CRADD: variants seen among roughly 807,000 people sequenced by gnomAD.
CRADD encodes CARD and death domain containing adaptor protein.
A neutral mutation model predicts 15.5 loss-of-function variants in CRADD; 9 were observed. The ratio of observed to expected loss-of-function variants is 0.58; its 90% CI spans 0.35 to 1.01. The LOEUF (loss-of-function observed/expected upper bound fraction) is 1.01, where lower values mean the gene tolerates loss of function less well. Ranked by LOEUF, CRADD falls within the 50% of genes least tolerant of loss-of-function variation. The pLI is 0.02. For synonymous variants in CRADD, 118 were observed against 107.6 expected (o/e 1.10, Z -0.60); for missense variants, 227 against 250.3 (o/e 0.91, Z 0.63).
intron 2 of CRADD, chr12:93,708,679 T>A (rs1191257113): frequency 6.6e-6 from 1 of 152,296 alleles, no homozygotes; most frequent in East Asian, 1.9e-4. Context: ...GTCTGCCTTA[T>A]TAATTATTGT....
intron 2 of CRADD, among the ~76,000 whole-genome samples, chr12:93,796,896 A>G (rs1435443041): frequency 2.0e-5 from 3 of 152,120 alleles, no homozygotes; most frequent in African/African-American, 7.2e-5. Context: ...GCTCACGTGC[A>G]TCTTAGGCTG....
chr12:93,878,668 C>T (rs1958474447), intron 2 of CRADD, among the ~76,000 whole-genome samples: 1 of 152,190 alleles, frequency 6.6e-6, no homozygotes, highest in South Asian at 2.1e-4. Context: ...GTTCTGACCA[C>T]TGGGATTGGC....
chr12:93,688,617 T>A (rs1955492325), intron 2 of CRADD, among the ~76,000 whole-genome samples: 1 of 152,212 alleles, frequency 6.6e-6, no homozygotes, highest in South Asian at 2.1e-4. Context: ...CTAAGTCCTT[T>A]GTGTTTATTA....
chr12:93,702,929 G>A (rs897701103), intron 2 of CRADD, among the ~76,000 whole-genome samples: 5 of 152,126 alleles, frequency 3.3e-5, no homozygotes, highest in African/African-American at 7.2e-5. Context: ...ATTCCCTTCC[G>A]ATTCATTTCA....
chr12:93,749,384 C>A (rs889799978), intron 2 of CRADD, among the ~76,000 whole-genome samples: 11 of 152,088 alleles, frequency 7.2e-5, no homozygotes, highest in Admixed American at 1.3e-4. Flanking sequence ...CCTTATAAGT[C>A]CTGGACAGGA....
At chr12:93,770,145 GA>G (rs1346047260) in intron 2 of CRADD, among the ~76,000 whole-genome samples, 7 of 138,232 alleles carry the variant, frequency 5.1e-5, no homozygotes, top group Non-Finnish European at 9.3e-5. Flanking sequence ...GCCCAGGTGG[GA>G]GTGCAGTGGC....
At chr12:93,725,725 G>A (rs189853590) in intron 2 of CRADD, among the ~76,000 whole-genome samples, 1 of 152,328 alleles carries the variant, frequency 6.6e-6, no homozygotes, top group East Asian at 1.9e-4. Context: ...TCTATTGTAG[G>A]TTGAGAAGCT....
At chr12:93,835,208 T>C (rs56914464) in intron 2 of CRADD, among the ~76,000 whole-genome samples, 6,228 of 152,306 alleles carry the variant, frequency 0.041, 180 homozygotes, top group East Asian at 0.12. Flanking sequence ...CTTACCTTTA[T>C]ACTTCAATAT....
In CRADD at chr12:93,835,067, C is replaced by A. The variant is rs150691246; in HGVS notation, c.299-14903C>A. On this transcript the variant is annotated intron_variant, in intron 2 of 2. Coordinates refer to ENST00000332896, the MANE Select transcript of CRADD (RefSeq NM_003805.5). The stretch of plus-strand genomic sequence containing the variant: ...AAGCAAACCATTTTCACTGGCCCCC[C>A]CATTGGTATGCACTGCTGATAGCTT... Among the ~76,000 whole-genome samples the A allele has an allele frequency of 9.8e-5, 15 of 152,314 alleles. No homozygotes were observed. The East Asian group carries it at 2.5e-3, about 25-fold the overall frequency.
intron 2 of CRADD, among the ~76,000 whole-genome samples, chr12:93,702,253 AG>A (rs1328068020): frequency 6.6e-6 from 1 of 152,170 alleles, no homozygotes; most frequent in Non-Finnish European, 1.5e-5. Context: ...TAAAGAGAAA[AG>A]GGACGAGTTG....
At chr12:93,743,358 G>T (rs1404196928) in intron 2 of CRADD, among the ~76,000 whole-genome samples, 1 of 152,072 alleles carries the variant, frequency 6.6e-6, no homozygotes, top group Non-Finnish European at 1.5e-5. Context: ...TTGAGACAGG[G>T]TCTTGCTCTG....
chr12:93,839,020 G>A (rs1044481913), intron 2 of CRADD, among the ~76,000 whole-genome samples: 7 of 151,916 alleles, frequency 4.6e-5, no homozygotes, highest in East Asian at 1.9e-4. Flanking sequence ...CGATCCACCC[G>A]CCTCGACCTC....
At chr12:93,729,437 G>A (rs143174189) in intron 2 of CRADD, among the ~76,000 whole-genome samples, 180 of 152,186 alleles carry the variant, frequency 1.2e-3, no homozygotes, top group African/African-American at 4.2e-3. Flanking sequence ...TAATCTTGTG[G>A]TAGCAGAGAT....
At chr12:93,889,285 A>T (rs1180392260) in intron 2 of CRADD, among the ~76,000 whole-genome samples, 1 of 152,140 alleles carries the variant, frequency 6.6e-6, no homozygotes, top group Non-Finnish European at 1.5e-5. Flanking sequence ...TGAGGTACAT[A>T]GAGAGATGCC....
At chr12:93,841,145 A>G (rs1024038839) in intron 2 of CRADD, among the ~76,000 whole-genome samples, 1 of 152,136 alleles carries the variant, frequency 6.6e-6, no homozygotes, top group Admixed American at 6.6e-5. Flanking sequence ...GGTAGATTTT[A>G]TGATGTTGAA....
chr12:93,827,677 G>T (rs1434460176), intron 2 of CRADD, among the ~76,000 whole-genome samples: 1 of 152,042 alleles, frequency 6.6e-6, no homozygotes, highest in Non-Finnish European at 1.5e-5. Flanking sequence ...TCTATCAGCA[G>T]TGTATGAGAG....
chr12:93,856,945 AGAAGAACAGG>A (rs1049134520), intron 2 of CRADD, among the ~76,000 whole-genome samples: 18 of 152,378 alleles, frequency 1.2e-4, no homozygotes, highest in African/African-American at 4.1e-4. Context: ...AACAAAGCTT[AGAAGAACAGG>A]GATGTCTATC....
chr12:93,882,122 T>G (rs1263590360), intron 2 of CRADD, among the ~76,000 whole-genome samples: 1 of 148,268 alleles, frequency 6.7e-6, no homozygotes, highest in Admixed American at 6.7e-5. Context: ...AGACTCTGTT[T>G]CAAAAAAAAT....
At chr12:93,695,697 G>T (rs1382011325) in intron 2 of CRADD, among the ~76,000 whole-genome samples, 1 of 152,220 alleles carries the variant, frequency 6.6e-6, no homozygotes, top group Non-Finnish European at 1.5e-5. Context: ...GAGGTCAAGA[G>T]TTCAAGAGCA....
Sources: allele counts gnomAD v4.1 joint callset (sites outside exome capture counted in the v4.1 genomes callset), GRCh38; gene constraint gnomAD v4.1.1; transcripts MANE v1.5; gene names NCBI Gene and HGNC (gene_info 2026-07-23, HGNC 2026-07-21).